The following ARL15 variants were observed in gnomAD, a reference collection of about 807,000 sequenced individuals.
The protein encoded by ARL15 is ADP-ribosylation factor-like protein 15.
In ARL15, 19 loss-of-function variants were observed where a neutral mutation model predicts 25.2. The observed-to-expected ratio is 0.75, with a 90% CI of 0.53 to 1.10. The LOEUF is 1.10. Ranked by LOEUF, ARL15 falls within the 50% of genes least tolerant of loss-of-function variation. The pLI is 0.00. For synonymous variants in ARL15, 94 were observed against 86.8 expected, an observed-to-expected ratio of 1.08 and a Z score of -0.46; for missense variants, 220 against 246.0, an observed-to-expected ratio of 0.89 and a Z score of 0.71.
In ARL15 at chr5:54,255,128, T is replaced by A. The variant is rs112141764; in HGVS notation, c.48+55304A>T. ...CCAATCCTTCAATTCCAGGAACTTA[T>A]GTTCCCAGGAAAAGCTAGTTACTGA... On this transcript the variant is annotated intron_variant, in intron 1 of 4. Coordinates refer to ENST00000504924, the MANE Select transcript of ARL15 (RefSeq NM_019087.3). Among the ~76,000 whole-genome samples the A allele has an allele frequency of 6.2e-3, 952 of 152,326 alleles. 7 individuals are homozygous for A. Among genetic ancestry groups the A allele is most frequent in the African/African-American group, 0.022 (911 of 41,576 alleles).
At chr5:54,157,356 C>T (rs1451441406) in intron 2 of ARL15, among the ~76,000 whole-genome samples, 1 of 152,198 alleles carries the variant, frequency 6.6e-6, no homozygotes, top group Non-Finnish European at 1.5e-5. Flanking sequence ...CATAAGTTGA[C>T]TACTAAAACG....
At chr5:53,940,067 C>T (rs1746491028) in intron 4 of ARL15, among the ~76,000 whole-genome samples, 1 of 151,508 alleles carries the variant, frequency 6.6e-6, no homozygotes, top group African/African-American at 2.4e-5. Context: ...CAAGCTCCGC[C>T]TCCCTGGTTC....
chr5:54,083,730 G>A (rs1218041942), intron 4 of ARL15, among the ~76,000 whole-genome samples: 1 of 152,040 alleles, frequency 6.6e-6, no homozygotes, highest in Non-Finnish European at 1.5e-5. Context: ...AAAGTAAATC[G>A]ATAACTATAA....
At chr5:54,014,789 C>A (rs1749359760) in intron 4 of ARL15, among the ~76,000 whole-genome samples, 1 of 151,738 alleles carries the variant, frequency 6.6e-6, no homozygotes, top group Non-Finnish European at 1.5e-5. Flanking sequence ...GCCTCCCATT[C>A]TTTTTTAACC....
chr5:54,216,873 T>C (rs1282623678), intron 1 of ARL15, among the ~76,000 whole-genome samples: 1 of 152,164 alleles, frequency 6.6e-6, no homozygotes, highest in Non-Finnish European at 1.5e-5. Flanking sequence ...ACAGAACCCA[T>C]CTACTTAGAC....
At position 53,998,098 on chromosome 5, in the gene ARL15, C is replaced by T. The variant is rs185567697; in HGVS notation, c.463-111385G>A. 5.1e-3 allele frequency among the ~76,000 whole-genome samples: 782 copies of T among 152,180 alleles called. 3 individuals carry two copies. Among genetic ancestry groups the T allele is most frequent in the Admixed American group, 0.011 (165 of 15,282 alleles). On this transcript the variant is annotated intron_variant, in intron 4 of 4. Transcript: ENST00000504924. Reference sequence around the variant, plus strand: ...TAGCTGCTAAGCCACTTAACCTCCTCATGCCTCAGTTTCCTTGCCTGCAGA... The same window carrying T: ...TAGCTGCTAAGCCACTTAACCTCCTTATGCCTCAGTTTCCTTGCCTGCAGA...
chr5:54,159,133 A>G lies in ARL15; in HGVS notation c.194-4494T>C, dbSNP rs565239693. Among the ~76,000 whole-genome samples the G allele has an allele frequency of 3.3e-5, 5 of 152,336 alleles. No individual in the cohort carries two copies. In the South Asian group the frequency reaches 1.0e-3, roughly 32 times the overall value. ...CTAATTCATTGTCCTCCTGTTTATA[A>G]ATAACCCAACACAAGAAACCCAAAT... On this transcript the variant is annotated intron_variant, in intron 2 of 4. Coordinates refer to ENST00000504924, the MANE Select transcript of ARL15 (RefSeq NM_019087.3).
chr5:54,163,256 A>G (rs1193101269), intron 2 of ARL15, among the ~76,000 whole-genome samples: 3 of 151,348 alleles, frequency 2.0e-5, no homozygotes, highest in African/African-American at 7.3e-5. Flanking sequence ...TCACATGTTC[A>G]TGACATATTA....
chr5:54,275,286 A>G (rs982478219), intron 1 of ARL15, among the ~76,000 whole-genome samples: 1 of 152,208 alleles, frequency 6.6e-6, no homozygotes, highest in African/African-American at 2.4e-5. Context: ...TGTGAAAAAG[A>G]TGACTGATTG....
chr5:54,266,428 C>T (rs930784188), intron 1 of ARL15, among the ~76,000 whole-genome samples: 1 of 152,176 alleles, frequency 6.6e-6, no homozygotes, highest in Non-Finnish European at 1.5e-5. Flanking sequence ...GTCACTAAGA[C>T]CTCCTGGGTT....
At chr5:53,940,243 G>C (rs1287677370) in intron 4 of ARL15, among the ~76,000 whole-genome samples, 1 of 152,100 alleles carries the variant, frequency 6.6e-6, no homozygotes, top group East Asian at 1.9e-4. Flanking sequence ...AAAGTGCTGG[G>C]ATTACAGGCG....
At chr5:53,944,306 G>T (rs1746643244) in intron 4 of ARL15, among the ~76,000 whole-genome samples, 1 of 152,068 alleles carries the variant, frequency 6.6e-6, no homozygotes, top group South Asian at 2.1e-4. Context: ...TATGAGAAAA[G>T]GGATGAAATA....
chr5:54,310,515 C>T lies in ARL15; in HGVS notation c.-36G>A. 6.4e-7 allele frequency: 1 copy of T among 1,570,580 alleles called. No homozygotes were observed. The stretch of plus-strand genomic sequence containing the variant: ...AAAGCATCCGGAACGGCTCCGAACC[C>T]GGAAAAAAAAAGCAGCGTCTCTGGC... On this transcript the variant is annotated 5_prime_UTR_variant, in exon 1 of 5. Transcript: ENST00000504924.
chr5:53,960,629 T>C (rs1747331945), intron 4 of ARL15, among the ~76,000 whole-genome samples: 1 of 152,212 alleles, frequency 6.6e-6, no homozygotes, highest in African/African-American at 2.4e-5. Context: ...GGTGCCCAAG[T>C]TGCAAGACTG....
intron 4 of ARL15, among the ~76,000 whole-genome samples, chr5:54,112,111 C>A (rs1168213816): frequency 2.6e-5 from 4 of 152,008 alleles, no homozygotes; most frequent in Non-Finnish European, 5.9e-5. Flanking sequence ...AATAATGGGT[C>A]CTTGCCTTTC....
At chr5:54,220,545 G>C (rs921847651) in intron 1 of ARL15, among the ~76,000 whole-genome samples, 1 of 152,134 alleles carries the variant, frequency 6.6e-6, no homozygotes, top group Non-Finnish European at 1.5e-5. Context: ...TCTTAAGTTA[G>C]AAACATTCTT....
intron 1 of ARL15, among the ~76,000 whole-genome samples, chr5:54,214,629 C>T (rs562275516): frequency 6.6e-6 from 1 of 152,260 alleles, no homozygotes; most frequent in African/African-American, 2.4e-5. Context: ...AAATGCATTG[C>T]TTGACCCACT....
At chr5:54,166,642 T>C (rs1443121459) in intron 2 of ARL15, among the ~76,000 whole-genome samples, 1 of 152,166 alleles carries the variant, frequency 6.6e-6, no homozygotes, top group African/African-American at 2.4e-5. Flanking sequence ...TGGACTCAAA[T>C]TACCCTAGCT....
At chr5:53,951,162 T>C (rs954402242) in intron 4 of ARL15, among the ~76,000 whole-genome samples, 1 of 152,250 alleles carries the variant, frequency 6.6e-6, no homozygotes, top group Non-Finnish European at 1.5e-5. Context: ...TGTTTATATA[T>C]TGTCTATTGC....
Sources: allele counts gnomAD v4.1 joint callset (sites outside exome capture counted in the v4.1 genomes callset), GRCh38; gene constraint gnomAD v4.1.1; transcripts MANE v1.5; gene names NCBI Gene and HGNC (gene_info 2026-07-23, HGNC 2026-07-21).